The following TLK1 variants were observed in gnomAD, a reference collection of about 807,000 sequenced individuals.
TLK1 encodes serine/threonine-protein kinase tousled-like 1.
TLK1 carries 24 observed loss-of-function variants against 105.3 expected under a neutral mutation model. The ratio of observed to expected loss-of-function variants is 0.23; its 90% CI spans 0.17 to 0.32. The LOEUF (loss-of-function observed/expected upper bound fraction) is 0.32, where lower values mean the gene tolerates loss of function less well. Ranked by LOEUF, TLK1 falls within the 10% of genes least tolerant of loss-of-function variation. The probability of loss-of-function intolerance (pLI) is 1.00; values close to 1 mark genes in which losing one functional copy is unlikely to be tolerated. For synonymous variants in TLK1, 321 were observed against 310.4 expected (o/e 1.03, Z -0.36); for missense variants, 558 against 910.5 (o/e 0.61, Z 4.98).
At chr2:171,163,870 T>C (rs1200138474), upstream of TLK1, among the ~76,000 whole-genome samples, 1 of 152,084 alleles carries the variant, frequency 6.6e-6, no homozygotes. Context: ...GGACTGCAGA[T>C]GCCTATCACA....
chr2:171,035,936 G>T (rs1297410462), intron 11 of TLK1, among the ~76,000 whole-genome samples: 3 of 152,162 alleles, frequency 2.0e-5, no homozygotes, highest in African/African-American at 7.2e-5. Flanking sequence ...TTTGATTTTA[G>T]CCCAAATGAA....
intron 1 of TLK1, among the ~76,000 whole-genome samples, chr2:171,168,527 T>C (rs759679424): frequency 3.9e-5 from 6 of 152,076 alleles, no homozygotes; most frequent in Non-Finnish European, 7.4e-5. Flanking sequence ...TCCCAGGACT[T>C]TGGGGGCAAA....
intron 13 of TLK1, among the ~76,000 whole-genome samples, chr2:171,014,051 C>A (rs1360101407): frequency 6.6e-6 from 1 of 152,238 alleles, no homozygotes; most frequent in Non-Finnish European, 1.5e-5. Flanking sequence ...TTTTCCATTT[C>A]TCTCCCAATT....
intron 1 of TLK1, 70 bp from the exon 2 acceptor site, chr2:171,117,927 A>G: frequency 2.9e-6 from 3 of 1,043,506 alleles, no homozygotes; most frequent in Non-Finnish European, 4.0e-6. Context: ...ACACACAAAT[A>G]TATATATGTG....
At chr2:171,012,133 A>G (rs1357755565) in intron 13 of TLK1, among the ~76,000 whole-genome samples, 3 of 152,016 alleles carry the variant, frequency 2.0e-5, no homozygotes, top group Admixed American at 2.0e-4. Context: ...AAAATCTGAA[A>G]TGCTCCAATG....
intron 1 of TLK1, among the ~76,000 whole-genome samples, chr2:171,120,863 T>G (rs879297514): frequency 2.0e-5 from 3 of 152,224 alleles, no homozygotes; most frequent in Non-Finnish European, 4.4e-5. Flanking sequence ...AGCAGCATTA[T>G]TCACATTAGC....
intron 1 of TLK1, chr2:171,159,935 G>A (rs929300365): frequency 3.5e-5 from 7 of 202,320 alleles, no homozygotes; most frequent in Non-Finnish European, 4.9e-5. Context: ...AGGAGGTTAA[G>A]AGTACTGAGT....
intron 11 of TLK1, among the ~76,000 whole-genome samples, chr2:171,039,398 TG>T (rs1686541373): frequency 6.6e-6 from 1 of 152,020 alleles, no homozygotes; most frequent in Non-Finnish European, 1.5e-5. Context: ...CTCAAGTAGC[TG>T]GGAGTACAGG....
chr2:171,163,162 T>C (rs184453964), upstream of TLK1, among the ~76,000 whole-genome samples: 124 of 152,366 alleles, frequency 8.1e-4, no homozygotes, highest in African/African-American at 2.9e-3. Context: ...ATCAATAGTT[T>C]GTTTTTATTT....
At chr2:171,136,556 GGACAGGACAA>G (rs1425866608) in intron 1 of TLK1, among the ~76,000 whole-genome samples, 1 of 151,906 alleles carries the variant, frequency 6.6e-6, no homozygotes, top group Non-Finnish European at 1.5e-5. Flanking sequence ...TCTCAAAAAA[GGACAGGACAA>G]GACAGGACAG....
At chr2:170,995,850 G>A (rs536511922) in intron 20 of TLK1, among the ~76,000 whole-genome samples, 13 of 152,140 alleles carry the variant, frequency 8.5e-5, no homozygotes, top group African/African-American at 2.9e-4. Context: ...CTAAAGGCAC[G>A]GGCCCCTACA....
intron 1 of TLK1, among the ~76,000 whole-genome samples, chr2:171,216,928 C>A (rs964003561): frequency 2.0e-5 from 3 of 152,220 alleles, no homozygotes; most frequent in African/African-American, 7.2e-5. Context: ...GAATGCAGCC[C>A]TGCCTTGATT....
chr2:171,116,920 A>C (rs1433520999), intron 2 of TLK1, among the ~76,000 whole-genome samples: 1 of 152,192 alleles, frequency 6.6e-6, no homozygotes, highest in African/African-American at 2.4e-5. Flanking sequence ...CCTATGATCT[A>C]GCAATTGTAC....
At chr2:171,115,537 T>G (rs2105526735) in intron 2 of TLK1, among the ~76,000 whole-genome samples, 1 of 152,254 alleles carries the variant, frequency 6.6e-6, no homozygotes, top group East Asian at 1.9e-4. Flanking sequence ...TTTCACTGAC[T>G]CCACCTAAGA....
intron 1 of TLK1, among the ~76,000 whole-genome samples, chr2:171,179,857 G>A (rs1692895805): frequency 6.6e-6 from 1 of 152,122 alleles, no homozygotes; most frequent in Non-Finnish European, 1.5e-5. Flanking sequence ...ACTTTGAGAG[G>A]CCAAGGCTGG....
chr2:171,017,043 AAAAGT>A (rs1685245689), intron 12 of TLK1, among the ~76,000 whole-genome samples: 1 of 152,160 alleles, frequency 6.6e-6, no homozygotes, highest in Non-Finnish European at 1.5e-5. Flanking sequence ...TTTAATTTTA[AAAAGT>A]AAAGTGATAT....
chr2:171,023,780 GTTAAT>G (rs1685645570), intron 12 of TLK1, among the ~76,000 whole-genome samples: 3 of 152,146 alleles, frequency 2.0e-5, no homozygotes, highest in African/African-American at 7.2e-5. Context: ...AGTTTTATGT[GTTAAT>G]TTAGTGACAA....
intron 1 of TLK1, among the ~76,000 whole-genome samples, chr2:171,214,120 T>C (rs1693670644): frequency 6.6e-6 from 1 of 151,672 alleles, no homozygotes; most frequent in Admixed American, 6.6e-5. Flanking sequence ...GAAGGAAGAT[T>C]GCTTGAGCCC....
chr2:171,011,894 G>A (rs547819172), intron 13 of TLK1, among the ~76,000 whole-genome samples: 4 of 151,156 alleles, frequency 2.6e-5, no homozygotes, highest in African/African-American at 7.3e-5. Context: ...TACTGTCTTC[G>A]GACTTTTGTA....
Sources: gnomAD v4.1 joint callset for allele counts (sites outside exome capture counted in the v4.1 genomes callset) on GRCh38, gnomAD v4.1.1 for gene constraint, MANE v1.5 for transcripts, NCBI Gene and HGNC (gene_info 2026-07-23, HGNC 2026-07-21) for gene names.